The following MYO18B variants were observed in gnomAD, a reference collection of about 807,000 sequenced individuals.
MYO18B encodes unconventional myosin-XVIIIb.
Under a neutral mutation model 273.0 loss-of-function variants are expected in MYO18B, and 204 were observed. The ratio of observed to expected loss-of-function variants is 0.75; its 90% CI spans 0.67 to 0.84. MYO18B has a LOEUF of 0.84. Among genes scored for constraint, MYO18B ranks in the 40% least tolerant of loss-of-function variants. The pLI is 0.00. For synonymous variants in MYO18B, 1,330 were observed against 1,305.7 expected, an observed-to-expected ratio of 1.02 and a Z score of -0.40; for missense variants, 3,212 against 3,287.6, an observed-to-expected ratio of 0.98 and a Z score of 0.56.
chr22:26,062,279 T>G, the MYO18B span, among the ~76,000 whole-genome samples: 1 of 152,098 alleles, frequency 6.6e-6, no homozygotes, highest in African/African-American at 2.4e-5. Flanking sequence ...TCCCCAGTGA[T>G]TGAGGATGGG....
At chr22:25,835,548 C>A in intron 17 of MYO18B, 105 bp downstream of exon 17, 2 of 1,407,940 alleles carry the variant, frequency 1.4e-6, no homozygotes, top group Middle Eastern at 2.5e-4. Context: ...CACAGAGGCT[C>A]CAACGTGCAG....
chr22:25,746,606 C>T (rs2085786398), intron 1 of MYO18B, among the ~76,000 whole-genome samples: 2 of 152,336 alleles, frequency 1.3e-5, no homozygotes, highest in African/African-American at 2.4e-5. Flanking sequence ...GGCACAATCA[C>T]CACTTGGTGA....
intron 33 of MYO18B, among the ~76,000 whole-genome samples, chr22:25,914,853 T>G (rs2092233725): frequency 6.6e-6 from 1 of 151,600 alleles, no homozygotes; most frequent in African/African-American, 2.4e-5. Flanking sequence ...CCTGCCACCA[T>G]GCCTGGCTAA....
intron 21 of MYO18B, among the ~76,000 whole-genome samples, chr22:25,861,339 A>C (rs1342367992): frequency 6.6e-6 from 1 of 152,228 alleles, no homozygotes; most frequent in African/African-American, 2.4e-5. Context: ...AGACATATTT[A>C]TAATGCCGTA....
Position 25,948,448 on chromosome 22 carries a change from T to TG in MYO18B, c.5748+620_5748+621insG, listed in dbSNP as rs2092746370. Among the ~76,000 whole-genome samples the TG allele has an allele frequency of 1.5e-5, 2 of 131,178 alleles. 1 individual carries two copies. The highest frequency in any genetic ancestry group is 4.3e-4 in the East Asian group (2 of 4,644). 86.1% of individuals were successfully genotyped at this position (131,178 alleles called of 152,430 possible). On this transcript the variant is annotated intron_variant, in intron 36 of 43. Coordinates refer to ENST00000335473, the MANE Select transcript of MYO18B (RefSeq NM_032608.7). ...CTTCCTTCCTTCCTTCCTTCCTTCC[T>TG]TCCTTCCTTCCTTCTTTCTTTCTTT...
intron 36 of MYO18B, among the ~76,000 whole-genome samples, chr22:25,948,475 TTTCTTTC>T: frequency 7.2e-6 from 1 of 138,328 alleles, no homozygotes; most frequent in Admixed American, 7.2e-5. Flanking sequence ...TCTTTCTTTC[TTTCTTTC>T]TTTCTCTTTC....
intron 12 of MYO18B, among the ~76,000 whole-genome samples, chr22:25,822,492 T>C (rs1021373387): frequency 3.3e-5 from 5 of 152,228 alleles, no homozygotes; most frequent in Admixed American, 6.5e-5. Context: ...ATAAGCTCCA[T>C]GAGGACAGGC....
intron 10 of MYO18B, among the ~76,000 whole-genome samples, chr22:25,784,128 G>C (rs962175783): frequency 1.3e-5 from 2 of 152,158 alleles, no homozygotes; most frequent in Non-Finnish European, 2.9e-5. Flanking sequence ...TTTGGTGCCT[G>C]GTATGTGCTT....
At chr22:25,924,266 G>A (rs1319735662) in intron 34 of MYO18B, among the ~76,000 whole-genome samples, 1 of 152,212 alleles carries the variant, frequency 6.6e-6, no homozygotes, top group East Asian at 1.9e-4. Context: ...CATAGGTAGG[G>A]AAAGCAGACA....
At chr22:25,752,589 G>C (rs191659097) in intron 1 of MYO18B, among the ~76,000 whole-genome samples, 12 of 152,292 alleles carry the variant, frequency 7.9e-5, no homozygotes, top group African/African-American at 2.6e-4. Flanking sequence ...GGGCTCAAGT[G>C]ATCCTTCTGC....
chr22:26,046,698 A>G, the MYO18B span, among the ~76,000 whole-genome samples: 2 of 152,352 alleles, frequency 1.3e-5, no homozygotes, highest in African/African-American at 4.8e-5. Flanking sequence ...TTTGTTAAAA[A>G]TGAAGTCCAA....
intron 17 of MYO18B, among the ~76,000 whole-genome samples, chr22:25,842,987 A>G (rs1181065960): frequency 6.6e-6 from 1 of 152,178 alleles, no homozygotes; most frequent in Non-Finnish European, 1.5e-5. Context: ...ATGTGCCCGG[A>G]CACTATACTA....
At chr22:25,795,298 G>C (rs558815610) in intron 11 of MYO18B, among the ~76,000 whole-genome samples, 10 of 152,272 alleles carry the variant, frequency 6.6e-5, no homozygotes, top group African/African-American at 2.4e-4. Flanking sequence ...TGGCTCTCTG[G>C]AAATTTAAGA....
chr22:25,849,432 C>A (rs1372697160), intron 20 of MYO18B, among the ~76,000 whole-genome samples: 1 of 152,108 alleles, frequency 6.6e-6, no homozygotes, highest in African/African-American at 2.4e-5. Flanking sequence ...TATGCATACA[C>A]AGATACGTCA....
At chr22:25,761,349 CG>C (rs1288739106) in intron 2 of MYO18B, among the ~76,000 whole-genome samples, 1 of 151,862 alleles carries the variant, frequency 6.6e-6, no homozygotes, top group Non-Finnish European at 1.5e-5. Context: ...GACGCCCCCC[CG>C]AGGGCTGCCT....
At chr22:26,032,759 G>T (rs1041787843), downstream of MYO18B, among the ~76,000 whole-genome samples, 1 of 151,946 alleles carries the variant, frequency 6.6e-6, no homozygotes. Context: ...CCGACCTCAG[G>T]TGATCCACCT....
chr22:25,780,623 A>AAAAG (rs1569008575), intron 9 of MYO18B, among the ~76,000 whole-genome samples: 19 of 143,556 alleles, frequency 1.3e-4, no homozygotes, highest in South Asian at 1.1e-3. Context: ...AAAAAAAAAA[A>AAAAG]AAAGAAAGAA....
intron 21 of MYO18B, among the ~76,000 whole-genome samples, chr22:25,868,119 A>T (rs2090942569): frequency 6.6e-6 from 1 of 152,214 alleles, no homozygotes; most frequent in Non-Finnish European, 1.5e-5. Flanking sequence ...TGGTGTGTGT[A>T]TGAAGGCAGA....
intron 42 of MYO18B, among the ~76,000 whole-genome samples, chr22:26,009,089 T>C (rs1338855961): frequency 6.6e-6 from 1 of 152,198 alleles, no homozygotes; most frequent in Non-Finnish European, 1.5e-5. Context: ...TTCCAAACCA[T>C]CCTGACTTCC....
Sources: gnomAD v4.1 joint callset for allele counts (sites outside exome capture counted in the v4.1 genomes callset) on GRCh38, gnomAD v4.1.1 for gene constraint, MANE v1.5 for transcripts, NCBI Gene and HGNC (gene_info 2026-07-23, HGNC 2026-07-21) for gene names.